Variants in DNAH5 observed in about 807,000 individuals in gnomAD.
DNAH5 encodes the protein dynein axonemal heavy chain 5.
In DNAH5, 372 loss-of-function variants were observed where a neutral mutation model predicts 518.2. That is an observed-to-expected ratio of 0.72 (90% CI 0.66 to 0.78). DNAH5 has a LOEUF of 0.78. DNAH5 is among the 30% of genes least tolerant of loss of function. The probability of loss-of-function intolerance (pLI) is 0.00; values close to 1 mark genes in which losing one functional copy is unlikely to be tolerated. For synonymous variants in DNAH5, 2,039 were observed against 2,025.9 expected (o/e 1.01, Z -0.17); for missense variants, 5,523 against 5,687.0 (o/e 0.97, Z 0.93).
chr5:13,758,531 C>T (rs1368768201), intron 61 of DNAH5, among the ~76,000 whole-genome samples: 1 of 152,078 alleles, frequency 6.6e-6, no homozygotes, highest in Admixed American at 6.6e-5. Flanking sequence ...CCCTGCCTAC[C>T]TTGCAAGTTA....
At position 13,893,842 on chromosome 5, in the gene DNAH5, G is replaced by C. The variant is rs576501887; in HGVS notation, c.2431+808C>G. On this transcript the variant is annotated intron_variant, in intron 16 of 78. Transcript: ENST00000265104. ...CACTCTGGGCTATAAGAGTGGGGAGGACTGGGCTATGCAGAGGAGAGGGTG... is the reference window on the plus strand; with the variant it reads ...CACTCTGGGCTATAAGAGTGGGGAGCACTGGGCTATGCAGAGGAGAGGGTG... Among the ~76,000 whole-genome samples, 298 of 151,330 alleles carry C rather than the reference G, an allele frequency of 2.0e-3. 1 individual carries two copies. The highest frequency in any genetic ancestry group is 3.2e-3 in the Non-Finnish European group (216 of 67,944).
At position 13,894,773 on chromosome 5, in the gene DNAH5, T is replaced by G. The variant is rs1318006902; in HGVS notation, c.2308A>C (p.Ile770Leu). The change falls in exon 16 of 79, where the codon ATT (isoleucine) becomes CTT (leucine). Residue 770 changes from isoleucine to leucine, a missense_variant. Ile to Leu is a conservative substitution (Grantham distance 5). Coordinates refer to ENST00000265104, the MANE Select transcript of DNAH5 (RefSeq NM_001369.3). ...QRVKSKIPAAIEQLIVPHLAK... is the reference protein window; with the variant it reads ...QRVKSKIPAALEQLIVPHLAK... The stretch of plus-strand genomic sequence containing the variant: ...AAGTGAGGGACAATCAATTGCTCAA[T>G]GGCAGCAGGTATTTTTGACTTCACT... The G allele has an allele frequency of 6.2e-7, 1 of 1,614,132 alleles. No homozygotes were observed. The highest frequency in any genetic ancestry group is 1.7e-5 in the Admixed American group (1 of 60,022).
At chr5:13,698,591 G>A (rs1288847139) in intron 78 of DNAH5, among the ~76,000 whole-genome samples, 2 of 152,200 alleles carry the variant, frequency 1.3e-5, no homozygotes, top group African/African-American at 2.4e-5. Context: ...ACTAATGCCT[G>A]AAGTCAGTTT....
chr5:13,850,317 T>C (rs148911510), intron 31 of DNAH5, among the ~76,000 whole-genome samples: 11 of 152,274 alleles, frequency 7.2e-5, no homozygotes, highest in Non-Finnish European at 1.6e-4. Flanking sequence ...ATAATGAGTA[T>C]AATAAAATAT....
At chr5:13,716,460 A>G in intron 74 of DNAH5, 27 bp downstream of exon 74, 1 of 1,537,126 alleles carries the variant, frequency 6.5e-7, no homozygotes, top group Non-Finnish European at 9.0e-7. Flanking sequence ...TATTTGCTCT[A>G]TGCATAAAAT....
At chr5:13,925,415 G>A (rs1337564361) in intron 3 of DNAH5, among the ~76,000 whole-genome samples, 1 of 152,198 alleles carries the variant, frequency 6.6e-6, no homozygotes, top group Non-Finnish European at 1.5e-5. Context: ...GTTATGCTAA[G>A]TATTAGTCCA....
intron 38 of DNAH5, 79 bp from the exon 39 acceptor site, chr5:13,824,412 T>C: frequency 2.9e-6 from 4 of 1,365,130 alleles, no homozygotes; most frequent in Non-Finnish European, 4.2e-6. Context: ...ACAGAAATTA[T>C]ATTCACAATA....
At chr5:13,814,402 C>T (rs909652276) in intron 43 of DNAH5, among the ~76,000 whole-genome samples, 7 of 152,130 alleles carry the variant, frequency 4.6e-5, no homozygotes, top group Non-Finnish European at 8.8e-5. Flanking sequence ...AATCCCAGTT[C>T]AAAAGTGATT....
intron 78 of DNAH5, among the ~76,000 whole-genome samples, chr5:13,696,605 T>C (rs1471960354): frequency 6.6e-6 from 1 of 152,216 alleles, no homozygotes; most frequent in Non-Finnish European, 1.5e-5. Flanking sequence ...AGAATTCCAA[T>C]TTTTAAATGC....
At chr5:13,968,797 T>C (rs976735541) in intron 1 of DNAH5, among the ~76,000 whole-genome samples, 2 of 152,188 alleles carry the variant, frequency 1.3e-5, no homozygotes, top group Non-Finnish European at 2.9e-5. Context: ...TGTCGTGTCC[T>C]GGTTTTGGTA....
At chr5:13,761,984 T>C (rs1308858559) in intron 60 of DNAH5, among the ~76,000 whole-genome samples, 1 of 152,210 alleles carries the variant, frequency 6.6e-6, no homozygotes. Flanking sequence ...GTAAGTAGAA[T>C]GTAGTTGATG....
chr5:13,891,243 T>C, intron 16 of DNAH5, 122 bp from the exon 17 acceptor site: 1 of 1,024,084 alleles, frequency 9.8e-7, no homozygotes, highest in Non-Finnish European at 1.5e-6. Context: ...GTTACGTATG[T>C]TCCCCAGATC....
rs375287005 is a variant in DNAH5 at position 13,793,522 on chromosome 5, C to A, written c.8217G>T (p.Lys2739Asn). Reference sequence around the variant, plus strand: ...CATCCTCTTGATCTTTACCAAAGATCTTGTCCACAGAAGCTTCAGAGGGCA... The same window carrying A: ...CATCCTCTTGATCTTTACCAAAGATATTGTCCACAGAAGCTTCAGAGGGCA... The part of the protein sequence containing the change: ...CTLPSEASVD[K>N]IFGVIGVGHY... Residue 2739 changes from lysine (K) to asparagine (N), a missense_variant, in exon 49 of 79, where the codon AAG becomes AAT. Transcript: ENST00000265104. The A allele has an allele frequency of 1.9e-6, 3 of 1,612,566 alleles. No individual in the cohort carries two copies. The highest frequency in any genetic ancestry group is 2.5e-6 in the Non-Finnish European group (3 of 1,178,656).
intron 47 of DNAH5, among the ~76,000 whole-genome samples, chr5:13,805,395 G>C (rs1359107809): frequency 1.3e-5 from 2 of 152,168 alleles, no homozygotes; most frequent in East Asian, 3.9e-4. Context: ...CTACTCAGAA[G>C]GCTGGGGCAG....
chr5:13,891,532 C>A (rs1027625932), intron 16 of DNAH5, among the ~76,000 whole-genome samples: 5 of 152,144 alleles, frequency 3.3e-5, no homozygotes, highest in African/African-American at 1.2e-4. Flanking sequence ...AAAGATCCGG[C>A]TCAAGTGCAT....
intron 76 of DNAH5, among the ~76,000 whole-genome samples, chr5:13,702,732 G>T (rs1213071701): frequency 6.6e-6 from 1 of 152,162 alleles, no homozygotes; most frequent in African/African-American, 2.4e-5. Context: ...GTGATGAGAG[G>T]GATGGAGGGT....
chr5:13,775,413 G>A (rs777656712), intron 55 of DNAH5, among the ~76,000 whole-genome samples: 1 of 152,036 alleles, frequency 6.6e-6, no homozygotes, highest in Non-Finnish European at 1.5e-5. Context: ...ATGATGGATA[G>A]ATGGATGGAT....
intron 19 of DNAH5, among the ~76,000 whole-genome samples, chr5:13,884,709 C>A (rs763489557): frequency 2.6e-5 from 4 of 152,166 alleles, no homozygotes; most frequent in Non-Finnish European, 4.4e-5. Context: ...TGGCGGCGTG[C>A]GCCTATAGTC....
chr5:13,987,702 A>C (rs962319659), intron 1 of DNAH5, among the ~76,000 whole-genome samples: 2 of 152,084 alleles, frequency 1.3e-5, no homozygotes, highest in African/African-American at 4.8e-5. Flanking sequence ...AAAATACAAA[A>C]AATTAGCCAG....
Sources: gnomAD v4.1 joint callset for allele counts (sites outside exome capture counted in the v4.1 genomes callset) on GRCh38, gnomAD v4.1.1 for gene constraint, MANE v1.5 for transcripts, NCBI Gene and HGNC (gene_info 2026-07-23, HGNC 2026-07-21) for gene names.